Variants in PCDHGA2 observed in about 807,000 individuals in gnomAD.
The protein encoded by PCDHGA2 is protocadherin gamma subfamily A, 2, also known as protocadherin gamma-A2.
A neutral mutation model predicts 59.2 loss-of-function variants in PCDHGA2; 40 were observed. The ratio of observed to expected loss-of-function variants is 0.68; its 90% confidence interval spans 0.52 to 0.88. The LOEUF is 0.88. Among genes scored for constraint, PCDHGA2 ranks in the 40% least tolerant of loss-of-function variants. The pLI is 0.00. For synonymous variants in PCDHGA2, 560 were observed against 526.0 expected (o/e 1.06, Z -0.89); for missense variants, 1,226 against 1,204.0 (o/e 1.02, Z -0.27).
intron 1 of PCDHGA2, chr5:141,399,787 A>C (rs111395890): frequency 0.048 from 76,979 of 1,613,184 alleles, 1,998 homozygotes; most frequent in South Asian, 0.077. Flanking sequence ...CCGAAACGAC[A>C]ACGCACCGCG....
chr5:141,507,570 G>A (rs562674847), intron 3 of PCDHGA2, among the ~76,000 whole-genome samples: 1 of 152,366 alleles, frequency 6.6e-6, no homozygotes, highest in South Asian at 2.1e-4. Flanking sequence ...CTGGGTCTGA[G>A]GAGATGCCAA....
chr5:141,362,466 G>A, intron 1 of PCDHGA2: 1 of 1,614,042 alleles, frequency 6.2e-7, no homozygotes, highest in Non-Finnish European at 8.5e-7. Flanking sequence ...TGGTTCCCGC[G>A]CAAGATCTCG....
chr5:141,425,576 G>A (rs2096883993), intron 1 of PCDHGA2, among the ~76,000 whole-genome samples: 1 of 152,166 alleles, frequency 6.6e-6, no homozygotes, highest in Non-Finnish European at 1.5e-5. Flanking sequence ...GAAGGGTTTG[G>A]CTAACTTTAT....
At chr5:141,461,617 C>T (rs1297064745) in intron 1 of PCDHGA2, among the ~76,000 whole-genome samples, 1 of 152,090 alleles carries the variant, frequency 6.6e-6, no homozygotes, top group African/African-American at 2.4e-5. Flanking sequence ...AAAGTATTTT[C>T]TAATACACCT....
intron 1 of PCDHGA2, chr5:141,399,756 C>G: frequency 6.2e-7 from 1 of 1,613,346 alleles, no homozygotes; most frequent in Non-Finnish European, 8.5e-7. Flanking sequence ...CAAACGTGAG[C>G]CTGCGCGTGT....
chr5:141,419,551 C>T lies in PCDHGA2; in HGVS notation c.2425-75256C>T, dbSNP rs772468979. Reference sequence around the variant, plus strand: ...ACGACAACGCACCGCGGGTGCTGTACCCTGCGCTGGGTCCCGACGGCTCCG... The same window carrying T: ...ACGACAACGCACCGCGGGTGCTGTATCCTGCGCTGGGTCCCGACGGCTCCG... On this transcript the variant is annotated intron_variant, in intron 1 of 3. Transcript: ENST00000394576. 7 of 1,611,916 alleles carry T rather than the reference C, an allele frequency of 4.3e-6. No individual in the cohort carries two copies. The Admixed American group carries it at 1.2e-4, about 27-fold the overall frequency.
chr5:141,418,299 G>C lies in PCDHGA2; in HGVS notation c.2425-76508G>C, dbSNP rs767901461. 5 of 1,614,046 alleles carry C rather than the reference G, an allele frequency of 3.1e-6. No individual in the cohort carries two copies. In the Admixed American group the frequency reaches 8.3e-5, roughly 27 times the overall value. On this transcript the variant is annotated intron_variant, in intron 1 of 3. Coordinates refer to ENST00000394576, the MANE Select transcript of PCDHGA2 (RefSeq NM_018915.4). ...AACTTAGAAATCAGTGAATCCGTCA[G>C]CCTGGGGATGGGAACAATTCTTGAG...
chr5:141,344,421 GCTC>G, intron 1 of PCDHGA2: 3 of 1,612,454 alleles, frequency 1.9e-6, no homozygotes, highest in South Asian at 1.1e-5. Context: ...TAATGATAAT[GCTC>G]CTAATTTCCC....
intron 1 of PCDHGA2, chr5:141,412,735 T>A (rs2095573578): frequency 6.5e-6 from 1 of 153,492 alleles, no homozygotes; most frequent in African/African-American, 2.4e-5. Context: ...GTGTTGCAAA[T>A]ATATATTTAA....
In PCDHGA2 at chr5:141,415,732, T is replaced by C. The variant is rs1159160519; in HGVS notation, c.2424+74337T>C. 4 of 1,411,138 alleles carry C rather than the reference T, an allele frequency of 2.8e-6. No individual in the cohort carries two copies. In the South Asian group the frequency reaches 5.0e-5, roughly 18 times the overall value. The allele number at this position is 1,411,138 out of a possible 1,614,324, so 87.4% of individuals were successfully genotyped here. ...AACACTGATGAGTAGAATTTGATGT[T>C]TATTAAGGTTTTTTTTTTTTTTTTT... On this transcript the variant is annotated intron_variant, in intron 1 of 3. Coordinates refer to ENST00000394576, the MANE Select transcript of PCDHGA2 (RefSeq NM_018915.4).
Position 141,477,686 on chromosome 5 carries a change from C to T in PCDHGA2, c.2425-17121C>T, listed in dbSNP as rs201090822. Reference sequence around the variant, plus strand: ...CAATGGCATAGTGTCATCCTTAGTGCCCCTAGACTATGAGGATCGGCGGGA... The same window carrying T: ...CAATGGCATAGTGTCATCCTTAGTGTCCCTAGACTATGAGGATCGGCGGGA... On this transcript the variant is annotated intron_variant, in intron 1 of 3. Coordinates refer to ENST00000394576, the MANE Select transcript of PCDHGA2 (RefSeq NM_018915.4). This position sits in a 1 kb window ranked among gnomAD's most constrained non-coding sequence, Gnocchi z 4.9. The T allele has an allele frequency of 4.3e-6, 7 of 1,614,024 alleles. No homozygotes were observed. The highest frequency in any genetic ancestry group is 1.6e-4 in the Middle Eastern group (1 of 6,084).
At chr5:141,356,488 C>T (rs1760237124) in intron 1 of PCDHGA2, 1 of 1,613,868 alleles carries the variant, frequency 6.2e-7, no homozygotes, top group African/African-American at 1.3e-5. Flanking sequence ...CCAGGGAACT[C>T]CTCCACTGTC....
At chr5:141,343,357 T>A in intron 1 of PCDHGA2, 1 of 982,466 alleles carries the variant, frequency 1.0e-6, no homozygotes, top group Non-Finnish European at 1.2e-6. Flanking sequence ...CTTAGAGAGT[T>A]AAGAGTATAG....
intron 1 of PCDHGA2, among the ~76,000 whole-genome samples, chr5:141,453,322 G>A (rs897661534): frequency 6.6e-6 from 1 of 151,544 alleles, no homozygotes; most frequent in Non-Finnish European, 1.5e-5. Flanking sequence ...TTTTAGAGAT[G>A]GGGTCTCACT....
chr5:141,389,975 C>A (rs1318416407), intron 1 of PCDHGA2: 1 of 1,614,060 alleles, frequency 6.2e-7, no homozygotes, highest in Non-Finnish European at 8.5e-7. Flanking sequence ...TGGCCTTGAT[C>A]TCAGTGCTCT....
Position 141,477,447 on chromosome 5 carries a change from G to T in PCDHGA2, c.2425-17360G>T, listed in dbSNP as rs779097830. The T allele has an allele frequency of 6.2e-7, 1 of 1,614,098 alleles. No homozygotes were observed. Among genetic ancestry groups the T allele is most frequent in the Non-Finnish European group, 8.5e-7 (1 of 1,180,016 alleles). ...TCCCTCTCAGCCCTTACAATAGTGCGTGTTCAAGTGTCCGACATCAATGAC... is the reference window on the plus strand; with the variant it reads ...TCCCTCTCAGCCCTTACAATAGTGCTTGTTCAAGTGTCCGACATCAATGAC... On this transcript the variant is annotated intron_variant, in intron 1 of 3. Coordinates refer to ENST00000394576, the MANE Select transcript of PCDHGA2 (RefSeq NM_018915.4). This position sits in a 1 kb window ranked among gnomAD's most constrained non-coding sequence, Gnocchi z 4.9.
At chr5:141,368,708 A>G (rs933358136) in intron 1 of PCDHGA2, among the ~76,000 whole-genome samples, 1 of 152,210 alleles carries the variant, frequency 6.6e-6, no homozygotes, top group Admixed American at 6.5e-5. Context: ...CTTGATCCAT[A>G]CATTTTGAAT....
At chr5:141,506,247 G>A (rs113270457) in intron 3 of PCDHGA2, among the ~76,000 whole-genome samples, 8,033 of 152,078 alleles carry the variant, frequency 0.053, 470 homozygotes, top group African/African-American at 0.14. Flanking sequence ...TCAGGAGTTC[G>A]AAACCGGCCT....
chr5:141,366,333 T>A lies in PCDHGA2; in HGVS notation c.2424+24938T>A, dbSNP rs190728090. ...GTCACCGTTGCCGTGGCCGACAGGA[T>A]CCCTGACATCCTGGCTGACCTAGGC... On this transcript the variant is annotated intron_variant, in intron 1 of 3. Transcript: ENST00000394576. 44 of 1,613,876 alleles carry A rather than the reference T, an allele frequency of 2.7e-5. No homozygotes were observed. The East Asian group carries it at 9.6e-4, about 35-fold the overall frequency.
Sources: allele counts gnomAD v4.1 joint callset (sites outside exome capture counted in the v4.1 genomes callset), GRCh38; gene constraint gnomAD v4.1.1; non-coding constraint Gnocchi (gnomAD v3.1); transcripts MANE v1.5; gene names NCBI Gene and HGNC (gene_info 2026-07-23, HGNC 2026-07-21).